FOXC2: variants seen among roughly 807,000 people sequenced by gnomAD.
FOXC2 encodes the protein forkhead box C2.
A neutral mutation model predicts 7.2 loss-of-function variants in FOXC2; 7 were observed. The observed-to-expected ratio is 0.97, with a 90% CI of 0.55 to 1.81. The LOEUF is 1.81. Ranked by LOEUF, FOXC2 falls within the 40% of genes most tolerant of loss-of-function variation. The pLI is 0.00. For missense variants in FOXC2, 846 were observed against 741.2 expected, an observed-to-expected ratio of 1.14 and a Z score of -1.64; for synonymous variants, 436 against 350.4, an observed-to-expected ratio of 1.24 and a Z score of -2.73.
At position 86,568,974 on chromosome 16, in the gene FOXC2, G is replaced by A. The variant is rs1974245508; in HGVS notation, c.*133G>A. 4.1e-6 allele frequency: 5 copies of A among 1,230,774 alleles called. No individual in the cohort carries two copies. The highest frequency in any genetic ancestry group is 2.0e-5 in the Admixed American group (1 of 49,652). 76.2% of individuals were successfully genotyped at this position (1,230,774 alleles called of 1,614,324 possible). On this transcript the variant is annotated 3_prime_UTR_variant, in exon 1 of 1. Transcript: ENST00000649859. This position sits in a 1 kb window ranked among gnomAD's most constrained non-coding sequence, Gnocchi z 5.2. ...TCCACCAACCTTTTCTCAGACCCGG[G>A]AGCAGAGAGCGGGCACGCTAGCCCC...
Position 86,568,615 on chromosome 16 carries a change from A to G in FOXC2, c.1280A>G (p.Asn427Ser), listed in dbSNP as rs758964697. ...AAAQAASWYLNHSGDLNHLPG... is the reference protein window; with the variant it reads ...AAAQAASWYLSHSGDLNHLPG... ...GCGCAGGCGGCCTCCTGGTATCTCA[A>G]CCACAGCGGGGACCTGAACCACCTC... The change falls in exon 1 of 1, where the codon AAC becomes AGC. Residue 427 changes from asparagine to serine, a missense_variant. Physicochemically the swap from Asn to Ser is conservative, Grantham distance 46. Coordinates refer to ENST00000649859, the MANE Select transcript of FOXC2 (RefSeq NM_005251.3). The surrounding 1 kb of genome is among the most constrained non-coding windows in gnomAD (Gnocchi z 5.2). 13 of 1,611,552 alleles carry G rather than the reference A, an allele frequency of 8.1e-6. 1 individual carries two copies. In the African/African-American group the frequency reaches 1.1e-4, roughly 13 times the overall value.
Position 86,568,441 on chromosome 16 carries a change from TG to T in FOXC2, c.1107del (p.Ser370AlafsTer63). The stretch of plus-strand genomic sequence containing the variant: ...CACCCGAGCGGCCCCACGTCGCCCC[TG>T]AGCGCTCTCAACCTCGCCGCCGGCC... Reference protein sequence around the residue: ...SDHPSGPTSPLSALNLAAGQE... With the variant: ...SDHPSGPTSPXSALNLAAGQE... On this transcript the variant is annotated frameshift_variant, in exon 1 of 1. Coordinates refer to ENST00000649859, the MANE Select transcript of FOXC2 (RefSeq NM_005251.3). LOFTEE classifies it low-confidence loss of function (END_TRUNC). This position sits in a 1 kb window ranked among gnomAD's most constrained non-coding sequence, Gnocchi z 5.2. 1 of 1,362,810 alleles carries T rather than the reference TG, an allele frequency of 7.3e-7. No homozygotes were observed. The highest frequency in any genetic ancestry group is 9.5e-7 in the Non-Finnish European group (1 of 1,049,634). 84.4% of individuals were successfully genotyped at this position (1,362,810 alleles called of 1,614,324 possible).
rs1164818903 is a variant in FOXC2 at position 86,569,623 on chromosome 16, A to G, written c.*782A>G. Reference sequence around the variant, plus strand: ...CCACCCTGAGTATTCCTAAAAGAAAAAAAAAAAAAAAGCTTAAAAACTCTA... The same window carrying G: ...CCACCCTGAGTATTCCTAAAAGAAAGAAAAAAAAAAAGCTTAAAAACTCTA... On this transcript the variant is annotated 3_prime_UTR_variant, in exon 1 of 1. Coordinates refer to ENST00000649859, the MANE Select transcript of FOXC2 (RefSeq NM_005251.3). 7.3e-5 allele frequency: 12 copies of G among 164,830 alleles called. No individual in the cohort carries two copies. The highest frequency in any genetic ancestry group is 1.5e-5 in the Non-Finnish European group (1 of 67,896). 10.2% of individuals were successfully genotyped at this position (164,830 alleles called of 1,614,324 possible).
chr16:86,568,513 G>T lies in FOXC2; in HGVS notation c.1178G>T (p.Gly393Val). Residue 393 changes from glycine (G) to valine (V), a missense_variant, in exon 1 of 1, where the codon GGC becomes GTC. Physicochemically the swap from Gly to Val is moderately radical, Grantham distance 109. Coordinates refer to ENST00000649859, the MANE Select transcript of FOXC2 (RefSeq NM_005251.3). The surrounding 1 kb of genome is among the most constrained non-coding windows in gnomAD (Gnocchi z 5.2). Reference protein sequence around the residue: ...AATGHHHQHHGHHHPQAPPPP... With the variant: ...AATGHHHQHHVHHHPQAPPPP... Reference sequence around the variant, plus strand: ...ACGGGCCACCACCACCAGCACCACGGCCACCACCACCCGCAGGCGCCGCCG... The same window carrying T: ...ACGGGCCACCACCACCAGCACCACGTCCACCACCACCCGCAGGCGCCGCCG... 7.8e-7 allele frequency: 1 copy of T among 1,288,586 alleles called. No homozygotes were observed. Among genetic ancestry groups the T allele is most frequent in the South Asian group, 2.4e-5 (1 of 42,000 alleles). The allele number at this position is 1,288,586 out of a possible 1,614,324, so 79.8% of individuals were successfully genotyped here.
In FOXC2 at chr16:86,567,659, C is replaced by T. The variant is rs148359559; in HGVS notation, c.324C>T (p.Phe108=). ...IYQFIMDRFP[F]YRENKQGWQN... is the part of the protein sequence containing the mutation. ...AGTTCATCATGGACCGCTTCCCCTT[C>T]TACCGGGAGAACAAGCAGGGCTGGC... The change falls in exon 1 of 1, where the codon TTC becomes TTT. Residue 108 remains phenylalanine, a synonymous_variant. Coordinates refer to ENST00000649859, the MANE Select transcript of FOXC2 (RefSeq NM_005251.3). 16 of 1,614,186 alleles carry T rather than the reference C, an allele frequency of 9.9e-6. 1 individual carries two copies. Among genetic ancestry groups the T allele is most frequent in the African/African-American group, 1.3e-5 (1 of 75,064 alleles).
Position 86,568,448 on chromosome 16 carries a change from T to C in FOXC2, c.1113T>C (p.Ala371=). 7.4e-7 allele frequency: 1 copy of C among 1,355,856 alleles called. No homozygotes were observed. The allele number at this position is 1,355,856 out of a possible 1,614,324, so 84.0% of individuals were successfully genotyped here. The part of the protein sequence containing the change: ...HPSGPTSPLS[A]LNLAAGQEGA... Reference sequence around the variant, plus strand: ...GCGGCCCCACGTCGCCCCTGAGCGCTCTCAACCTCGCCGCCGGCCAGGAGG... The same window carrying C: ...GCGGCCCCACGTCGCCCCTGAGCGCCCTCAACCTCGCCGCCGGCCAGGAGG... The change falls in exon 1 of 1, where the codon GCT becomes GCC. Residue 371 remains alanine, a synonymous_variant. Coordinates refer to ENST00000649859, the MANE Select transcript of FOXC2 (RefSeq NM_005251.3). The surrounding 1 kb of genome is among the most constrained non-coding windows in gnomAD (Gnocchi z 5.2).
At position 86,567,937 on chromosome 16, in the gene FOXC2, C is replaced by A; in HGVS notation, c.602C>A (p.Ala201Glu). The A allele has an allele frequency of 6.4e-7, 1 of 1,563,748 alleles. No homozygotes were observed. The change falls in exon 1 of 1, where the codon GCG (alanine) becomes GAG (glutamate). Residue 201 changes from alanine (A) to glutamate (E), a missense_variant. By Grantham distance (107) the Ala-to-Glu change is moderately radical. This residue lies in a region of FOXC2 where 640 missense variants were observed against 503.2 expected (regional missense o/e 1.27). Coordinates refer to ENST00000649859, the MANE Select transcript of FOXC2 (RefSeq NM_005251.3). ...SKGAPATPHL[A>E]DAPKEAEKKV... ...GGCGCCCCGGCCACCCCCCACCTAG[C>A]GGACGCCCCCAAGGAGGCCGAGAAG...
In FOXC2 at chr16:86,568,657, C is replaced by G. The variant is rs1567571907; in HGVS notation, c.1322C>G (p.Ala441Gly). Residue 441 changes from alanine (A) to glycine (G), a missense_variant, in exon 1 of 1, where the codon GCG (alanine) becomes GGG (glycine). Coordinates refer to ENST00000649859, the MANE Select transcript of FOXC2 (RefSeq NM_005251.3). This position sits in a 1 kb window ranked among gnomAD's most constrained non-coding sequence, Gnocchi z 5.2. ...AACCACCTCCCCGGCCACACGTTCG[C>G]GGCCCAGCAGCAAACTTTCCCCAAC... ...DLNHLPGHTF[A>G]AQQQTFPNVR... 6.2e-7 allele frequency: 1 copy of G among 1,612,666 alleles called. No homozygotes were observed. The highest frequency in any genetic ancestry group is 8.5e-7 in the Non-Finnish European group (1 of 1,179,926).
chr16:86,567,593 G>C lies in FOXC2; in HGVS notation c.258G>C (p.Gln86His), dbSNP rs756695162. 2.5e-6 allele frequency: 4 copies of C among 1,614,048 alleles called. No homozygotes were observed. The South Asian group carries it at 4.4e-5, about 18-fold the overall frequency. Residue 86 changes from glutamine to histidine, a missense_variant, in exon 1 of 1, where the codon CAG becomes CAC. This residue lies in a region of FOXC2 where 154 missense variants were observed against 134.2 expected (regional missense o/e 1.15). Coordinates refer to ENST00000649859, the MANE Select transcript of FOXC2 (RefSeq NM_005251.3). Reference protein sequence around the residue: ...SYIALITMAIQNAPEKKITLN... With the variant: ...SYIALITMAIHNAPEKKITLN... Reference sequence around the variant, plus strand: ...TCGCGCTCATCACCATGGCCATCCAGAACGCGCCCGAGAAGAAGATCACCT... The same window carrying C: ...TCGCGCTCATCACCATGGCCATCCACAACGCGCCCGAGAAGAAGATCACCT...
At position 86,568,076 on chromosome 16, in the gene FOXC2, G is replaced by A. The variant is rs950853035; in HGVS notation, c.741G>A (p.Thr247=). The A allele has an allele frequency of 9.1e-6, 13 of 1,425,260 alleles. No homozygotes were observed. The highest frequency in any genetic ancestry group is 1.2e-5 in the Non-Finnish European group (13 of 1,099,252). 88.3% of individuals were successfully genotyped at this position (1,425,260 alleles called of 1,614,324 possible). ...LQGSPRSAAS[T]PAGSPDGSLP... is the part of the protein sequence containing the mutation. ...GCAGCCCGCGCAGCGCGGCCTCCAC[G>A]CCCGCCGGCTCCCCCGACGGCTCGC... is the stretch of plus-strand genomic sequence containing the variant. The change falls in exon 1 of 1, where the codon ACG becomes ACA. Residue 247 remains threonine, a synonymous_variant. Transcript: ENST00000649859. This position sits in a 1 kb window ranked among gnomAD's most constrained non-coding sequence, Gnocchi z 5.2.
rs368769715 is a variant in FOXC2, at chr16:86,568,814, C to G, written c.1479C>G (p.Pro493=). ...STPPLYRHAA[P]YSYDCTKY is the part of the protein sequence containing the mutation. ...CGCCTCTCTATCGCCACGCAGCCCC[C>G]TACTCCTACGACTGCACGAAATACT... The change falls in exon 1 of 1, where the codon CCC becomes CCG. Residue 493 remains proline, a synonymous_variant. Transcript: ENST00000649859. The surrounding 1 kb of genome is among the most constrained non-coding windows in gnomAD (Gnocchi z 5.2). The G allele has an allele frequency of 1.2e-5, 20 of 1,612,996 alleles. No individual in the cohort carries two copies. The highest frequency in any genetic ancestry group is 1.6e-5 in the Non-Finnish European group (19 of 1,179,982).
rs761593151 is a variant in FOXC2, at chr16:86,568,721, G to T, written c.1386G>T (p.Glu462Asp). The T allele has an allele frequency of 6.2e-7, 1 of 1,612,960 alleles. No homozygotes were observed. Among genetic ancestry groups the T allele is most frequent in the East Asian group, 2.2e-5 (1 of 44,866 alleles). The change falls in exon 1 of 1, where the codon GAG becomes GAT. Residue 462 changes from glutamate (E) to aspartate (D), a missense_variant. Around this residue, in one of 3 missense-constraint regions of FOXC2, gnomAD observed 640 missense variants for 503.2 expected, o/e 1.27. Coordinates refer to ENST00000649859, the MANE Select transcript of FOXC2 (RefSeq NM_005251.3). This position sits in a 1 kb window ranked among gnomAD's most constrained non-coding sequence, Gnocchi z 5.2. ...EMFNSHRLGI[E>D]NSTLGESQVS... ...TCAACTCCCACCGGCTGGGGATTGA[G>T]AACTCGACCCTCGGGGAGTCCCAGG...
Position 86,567,924 on chromosome 16 carries a change from A to G in FOXC2, c.589A>G (p.Thr197Ala). Residue 197 changes from threonine (T) to alanine (A), a missense_variant, in exon 1 of 1, where the codon ACC (threonine) becomes GCC (alanine). By Grantham distance (58) the Thr-to-Ala change is moderately conservative. Around this residue, in one of 3 missense-constraint regions of FOXC2, gnomAD observed 640 missense variants for 503.2 expected, o/e 1.27. Transcript: ENST00000649859. ...GGCGGCGTCCAAGGGCGCCCCGGCC[A>G]CCCCCCACCTAGCGGACGCCCCCAA... Reference protein sequence around the residue: ...PPAASKGAPATPHLADAPKEA... With the variant: ...PPAASKGAPAAPHLADAPKEA... 1 of 1,569,014 alleles carries G rather than the reference A, an allele frequency of 6.4e-7. No individual in the cohort carries two copies. The highest frequency in any genetic ancestry group is 8.6e-7 in the Non-Finnish European group (1 of 1,169,496).
Position 86,568,911 on chromosome 16 carries a change from T to C in FOXC2, c.*70T>C. On this transcript the variant is annotated 3_prime_UTR_variant, in exon 1 of 1. Transcript: ENST00000649859. This position sits in a 1 kb window ranked among gnomAD's most constrained non-coding sequence, Gnocchi z 5.2. ...CCCAGCCCCGACCCAACCAGACAAT[T>C]AAGGGGCTGCAGAGACGCAAAAAAG... 1 of 1,591,148 alleles carries C rather than the reference T, an allele frequency of 6.3e-7. No homozygotes were observed. Among genetic ancestry groups the C allele is most frequent in the Non-Finnish European group, 8.6e-7 (1 of 1,166,076 alleles).
chr16:86,568,614 A>G lies in FOXC2; in HGVS notation c.1279A>G (p.Asn427Asp). 2 of 1,611,396 alleles carry G rather than the reference A, an allele frequency of 1.2e-6. No individual in the cohort carries two copies. Among genetic ancestry groups the G allele is most frequent in the South Asian group, 2.2e-5 (2 of 91,052 alleles). ...AAAQAASWYL[N>D]HSGDLNHLPG... ...GGCGCAGGCGGCCTCCTGGTATCTCAACCACAGCGGGGACCTGAACCACCT... is the reference window on the plus strand; with the variant it reads ...GGCGCAGGCGGCCTCCTGGTATCTCGACCACAGCGGGGACCTGAACCACCT... The change falls in exon 1 of 1, where the codon AAC (asparagine) becomes GAC (aspartate). Residue 427 changes from asparagine (N) to aspartate (D), a missense_variant. Transcript: ENST00000649859. The surrounding 1 kb of genome is among the most constrained non-coding windows in gnomAD (Gnocchi z 5.2).
Position 86,568,854 on chromosome 16 carries a change from C to G in FOXC2, c.*13C>G. 1 of 1,612,202 alleles carries G rather than the reference C, an allele frequency of 6.2e-7. No homozygotes were observed. Among genetic ancestry groups the G allele is most frequent in the Non-Finnish European group, 8.5e-7 (1 of 1,179,456 alleles). ...CACGAAATACTGACGTGTCCCGGGA[C>G]CTCCCCTCCCCGGCCCGCTCCGGCT... On this transcript the variant is annotated 3_prime_UTR_variant, in exon 1 of 1. Transcript: ENST00000649859. This position sits in a 1 kb window ranked among gnomAD's most constrained non-coding sequence, Gnocchi z 5.2.
At position 86,568,032 on chromosome 16, in the gene FOXC2, C is replaced by T; in HGVS notation, c.697C>T (p.Pro233Ser). 1 of 1,475,986 alleles carries T rather than the reference C, an allele frequency of 6.8e-7. No individual in the cohort carries two copies. The highest frequency in any genetic ancestry group is 8.9e-7 in the Non-Finnish European group (1 of 1,125,102). The allele number at this position is 1,475,986 out of a possible 1,614,324, so 91.4% of individuals were successfully genotyped here. The change falls in exon 1 of 1, where the codon CCC becomes TCC. Residue 233 changes from proline (P) to serine (S), a missense_variant. Around this residue, in one of 3 missense-constraint regions of FOXC2, gnomAD observed 640 missense variants for 503.2 expected, o/e 1.27. Coordinates refer to ENST00000649859, the MANE Select transcript of FOXC2 (RefSeq NM_005251.3). This position sits in a 1 kb window ranked among gnomAD's most constrained non-coding sequence, Gnocchi z 5.2. ...PVITKVETLSPESALQGSPRS... is the reference protein window; with the variant it reads ...PVITKVETLSSESALQGSPRS... ...CATCACCAAGGTGGAGACGCTGAGC[C>T]CCGAGAGCGCGCTGCAGGGCAGCCC...
Position 86,568,544 on chromosome 16 carries a change from G to T in FOXC2, c.1209G>T (p.Pro403=). The T allele has an allele frequency of 7.6e-7, 1 of 1,310,456 alleles. No individual in the cohort carries two copies. Among genetic ancestry groups the T allele is most frequent in the Non-Finnish European group, 9.7e-7 (1 of 1,029,576 alleles). The allele number at this position is 1,310,456 out of a possible 1,614,324, so 81.2% of individuals were successfully genotyped here. The part of the protein sequence containing the change: ...GHHHPQAPPP[P]PAPQPQPTPQ... ...ACCACCCGCAGGCGCCGCCGCCCCC[G>T]CCGGCTCCCCAGCCCCAGCCGACGC... The change falls in exon 1 of 1, where the codon CCG becomes CCT. Residue 403 remains proline (P), a synonymous_variant. Coordinates refer to ENST00000649859, the MANE Select transcript of FOXC2 (RefSeq NM_005251.3). This position sits in a 1 kb window ranked among gnomAD's most constrained non-coding sequence, Gnocchi z 5.2.
At position 86,567,470 on chromosome 16, in the gene FOXC2, G is replaced by A; in HGVS notation, c.135G>A (p.Pro45=). The change falls in exon 1 of 1, where the codon CCG becomes CCA. Residue 45 remains proline (P), a synonymous_variant. Coordinates refer to ENST00000649859, the MANE Select transcript of FOXC2 (RefSeq NM_005251.3). ...ASPMGVYSGH[P]EQYSAGMGRS... Reference sequence around the variant, plus strand: ...CCATGGGCGTCTATTCCGGCCACCCGGAGCAGTACAGCGCGGGGATGGGCC... The same window carrying A: ...CCATGGGCGTCTATTCCGGCCACCCAGAGCAGTACAGCGCGGGGATGGGCC... 1 of 1,613,526 alleles carries A rather than the reference G, an allele frequency of 6.2e-7. No individual in the cohort carries two copies. Among genetic ancestry groups the A allele is most frequent in the Non-Finnish European group, 8.5e-7 (1 of 1,179,962 alleles).
Sources: allele counts gnomAD v4.1 joint callset, GRCh38; gene constraint gnomAD v4.1.1; regional missense constraint gnomAD v4.1.1; non-coding constraint Gnocchi (gnomAD v3.1); transcripts MANE v1.5; gene names NCBI Gene and HGNC (gene_info 2026-07-23, HGNC 2026-07-21).